KCTD1: variants seen among roughly 807,000 people sequenced by gnomAD.
KCTD1 encodes the protein potassium channel tetramerization domain containing 1, also known as BTB/POZ domain-containing protein KCTD1.
KCTD1 carries 24 observed loss-of-function variants against 66.0 expected under a neutral mutation model. The ratio of observed to expected loss-of-function variants is 0.36; its 90% CI spans 0.26 to 0.51. KCTD1 has a LOEUF of 0.51. Among genes scored for constraint, KCTD1 ranks in the 20% least tolerant of loss-of-function variants. The pLI, the probability that KCTD1 is intolerant of heterozygous loss-of-function variation, is 0.95. For missense variants in KCTD1, 943 were observed against 1,205.2 expected (o/e 0.78, Z 3.22); for synonymous variants, 511 against 517.2 (o/e 0.99, Z 0.16).
intron 1 of KCTD1, among the ~76,000 whole-genome samples, chr18:26,514,993 T>C (rs1234293216): frequency 6.6e-6 from 1 of 152,188 alleles, no homozygotes; most frequent in Non-Finnish European, 1.5e-5. Flanking sequence ...TGAACAATCA[T>C]CCTCCTCAGT....
At chr18:26,585,053 A>G (rs548084204) in intron 1 of KCTD1, among the ~76,000 whole-genome samples, 2 of 152,170 alleles carry the variant, frequency 1.3e-5, no homozygotes, top group East Asian at 3.9e-4. Flanking sequence ...GTGACGCCTC[A>G]TGAGCATTCC....
At chr18:26,528,127 T>A (rs993556386) in intron 1 of KCTD1, among the ~76,000 whole-genome samples, 1 of 152,216 alleles carries the variant, frequency 6.6e-6, no homozygotes, top group Non-Finnish European at 1.5e-5. Flanking sequence ...ACGGTGCTCT[T>A]ATTTTATTAG....
intron 1 of KCTD1, among the ~76,000 whole-genome samples, chr18:26,624,296 T>TG (rs772463094): frequency 6.6e-5 from 10 of 152,136 alleles, no homozygotes; most frequent in Non-Finnish European, 1.5e-4. Flanking sequence ...ACCAAGACAA[T>TG]GGGGAAAATG....
chr18:26,469,967 G>A (rs766981106), intron 3 of KCTD1, among the ~76,000 whole-genome samples: 6 of 152,148 alleles, frequency 3.9e-5, no homozygotes, highest in Non-Finnish European at 5.9e-5. Context: ...GGCCCTGCCT[G>A]CAAGAACCTT....
chr18:26,644,423 G>A (rs1240717890), upstream of KCTD1, among the ~76,000 whole-genome samples: 1 of 152,112 alleles, frequency 6.6e-6, no homozygotes, highest in African/African-American at 2.4e-5. Context: ...GGCTGACTAA[G>A]GAGGGAGAGT....
chr18:26,544,266 A>G (rs908084476), intron 1 of KCTD1: 1 of 152,244 alleles, frequency 6.6e-6, no homozygotes, highest in Non-Finnish European at 1.5e-5. Context: ...ATGAGCAATC[A>G]CACATTCCAT....
At chr18:26,544,488 CCGT>C (rs1985120280) in intron 1 of KCTD1, 1 of 152,208 alleles carries the variant, frequency 6.6e-6, no homozygotes, top group African/African-American at 2.4e-5. Context: ...CAGTGGAATT[CCGT>C]ATGACACTAC....
upstream of KCTD1, among the ~76,000 whole-genome samples, chr18:26,643,250 A>G (rs1336650663): frequency 2.0e-5 from 3 of 152,048 alleles, no homozygotes; most frequent in Admixed American, 2.0e-4. Flanking sequence ...TTCTTATAGG[A>G]ACACTAATAT....
intron 1 of KCTD1, among the ~76,000 whole-genome samples, chr18:26,637,260 T>G (rs1770538156): frequency 6.6e-6 from 1 of 152,240 alleles, no homozygotes; most frequent in Admixed American, 6.5e-5. Flanking sequence ...TCTGATTAGG[T>G]GCCTCCCATG....
intron 3 of KCTD1, among the ~76,000 whole-genome samples, chr18:26,467,027 G>A (rs1980770521): frequency 6.6e-6 from 1 of 152,082 alleles, no homozygotes; most frequent in Admixed American, 6.5e-5. Flanking sequence ...TTTTTTAAAT[G>A]GAAAGGTAAA....
chr18:26,482,846 T>C (rs998231673), intron 2 of KCTD1, among the ~76,000 whole-genome samples: 4 of 151,972 alleles, frequency 2.6e-5, no homozygotes, highest in African/African-American at 7.3e-5. Context: ...TGCTCAGGGG[T>C]GAGGCTGGGG....
intron 1 of KCTD1, among the ~76,000 whole-genome samples, chr18:26,612,100 T>C (rs1164667022): frequency 6.6e-6 from 1 of 152,192 alleles, no homozygotes; most frequent in Non-Finnish European, 1.5e-5. Flanking sequence ...TTGAATAATC[T>C]TTCCCCTGAC....
In KCTD1 at chr18:26,562,943, A is replaced by G. The variant is rs371867508; in HGVS notation, c.-15-61693T>C. On this transcript the variant is annotated intron_variant, in intron 1 of 4. Coordinates refer to the KCTD1 transcript ENST00000317932. Reference sequence around the variant, plus strand: ...CTATCTCCAAATAGAGTCACACTGCAGGGTTAGCGCTTCAGCATATGAATT... The same window carrying G: ...CTATCTCCAAATAGAGTCACACTGCGGGGTTAGCGCTTCAGCATATGAATT... Among the ~76,000 whole-genome samples, 57 of 152,294 alleles carry G rather than the reference A, an allele frequency of 3.7e-4. No homozygotes were observed. In the South Asian group the frequency reaches 0.011, roughly 29 times the overall value.
intron 1 of KCTD1, among the ~76,000 whole-genome samples, chr18:26,624,499 C>G (rs577739942): frequency 6.6e-6 from 1 of 152,366 alleles, no homozygotes; most frequent in African/African-American, 2.4e-5. Context: ...ACTCAGGCTT[C>G]AGAGGGTGCA....
intron 1 of KCTD1, among the ~76,000 whole-genome samples, chr18:26,504,849 CT>C (rs1982950344): frequency 6.6e-6 from 1 of 152,202 alleles, no homozygotes; most frequent in Non-Finnish European, 1.5e-5. Flanking sequence ...GGAGCTGACA[CT>C]TTCTCAACTT....
intron 1 of KCTD1, among the ~76,000 whole-genome samples, chr18:26,519,674 C>A (rs1461386637): frequency 1.3e-5 from 2 of 152,160 alleles, no homozygotes; most frequent in Non-Finnish European, 1.5e-5. Context: ...TGTACTCGGA[C>A]TGTGGGTATT....
At chr18:26,655,885 G>C (rs1460844566) in intron 1 of KCTD1, 4 of 152,350 alleles carry the variant, frequency 2.6e-5, no homozygotes, top group East Asian at 1.9e-4. Context: ...GATGTTTTGG[G>C]GCTCGACCTC....
upstream of KCTD1, among the ~76,000 whole-genome samples, chr18:26,551,297 G>A (rs1985559226): frequency 6.6e-6 from 1 of 152,220 alleles, no homozygotes; most frequent in African/African-American, 2.4e-5. Context: ...AAAGTCAGGG[G>A]AAGGAGGTGG....
chr18:26,507,980 A>C (rs957494017), intron 1 of KCTD1, among the ~76,000 whole-genome samples: 1 of 152,218 alleles, frequency 6.6e-6, no homozygotes, highest in Non-Finnish European at 1.5e-5. Context: ...AATAAAAATA[A>C]GATAAACTGA....
Sources: allele counts gnomAD v4.1 joint callset (sites outside exome capture counted in the v4.1 genomes callset), GRCh38; gene constraint gnomAD v4.1.1; transcripts MANE v1.5; gene names NCBI Gene and HGNC (gene_info 2026-07-23, HGNC 2026-07-21).